Variants in PHYHIPL observed in about 807,000 individuals in gnomAD.
The protein encoded by PHYHIPL is phytanoyl-CoA hydroxylase-interacting protein-like.
PHYHIPL carries 9 observed loss-of-function variants against 33.4 expected under a neutral mutation model. The ratio of observed to expected loss-of-function variants is 0.27; its 90% CI spans 0.16 to 0.47. The LOEUF (loss-of-function observed/expected upper bound fraction) is 0.47. Ranked by LOEUF, PHYHIPL falls within the 20% of genes least tolerant of loss-of-function variation. The pLI, the probability that PHYHIPL is intolerant of heterozygous loss-of-function variation, is 0.99. For missense variants in PHYHIPL, 365 were observed against 460.7 expected, an observed-to-expected ratio of 0.79 and a Z score of 1.90; for synonymous variants, 153 against 154.1, an observed-to-expected ratio of 0.99 and a Z score of 0.05.
chr10:59,185,857 G>A (rs1303282893), intron 1 of PHYHIPL, among the ~76,000 whole-genome samples: 1 of 152,090 alleles, frequency 6.6e-6, no homozygotes, highest in Non-Finnish European at 1.5e-5. Flanking sequence ...TGTAGATTCT[G>A]GATATTAGCC....
At chr10:59,196,733 T>A (rs548806611) in intron 1 of PHYHIPL, among the ~76,000 whole-genome samples, 3 of 152,252 alleles carry the variant, frequency 2.0e-5, no homozygotes, top group South Asian at 2.1e-4. Context: ...ACTGTCAACA[T>A]TTTTTATGCA....
intron 1 of PHYHIPL, among the ~76,000 whole-genome samples, chr10:59,223,079 TTATG>T (rs1434470494): frequency 6.6e-5 from 10 of 152,336 alleles, no homozygotes; most frequent in Non-Finnish European, 1.0e-4. Flanking sequence ...CATTGTGTAC[TTATG>T]TATGTGGGAT....
At chr10:59,174,804 GCTCCCATA>G (rs1838223166), upstream of PHYHIPL, among the ~76,000 whole-genome samples, 1 of 152,118 alleles carries the variant, frequency 6.6e-6, no homozygotes, top group Non-Finnish European at 1.5e-5. Context: ...GCTTCTACAA[GCTCCCATA>G]CTTCCTCTTT....
At chr10:59,238,440 A>G in intron 3 of PHYHIPL, 148 bp from the exon 4 acceptor site, 2 of 442,536 alleles carry the variant, frequency 4.5e-6, no homozygotes. Context: ...CCACACAGAC[A>G]ATGAATATTT....
At chr10:59,240,284 T>G (rs1410294769) in intron 4 of PHYHIPL, among the ~76,000 whole-genome samples, 1 of 152,036 alleles carries the variant, frequency 6.6e-6, no homozygotes, top group Admixed American at 6.6e-5. Context: ...CCATATAGAC[T>G]TAGCAAGGAA....
At chr10:59,191,720 C>A (rs1838788660) in intron 1 of PHYHIPL, among the ~76,000 whole-genome samples, 1 of 151,914 alleles carries the variant, frequency 6.6e-6, no homozygotes, top group African/African-American at 2.4e-5. Flanking sequence ...GAAAACTCAA[C>A]AGGTACTAAT....
At chr10:59,178,747 G>T (rs1247543034) in intron 1 of PHYHIPL, among the ~76,000 whole-genome samples, 3 of 152,136 alleles carry the variant, frequency 2.0e-5, no homozygotes, top group Non-Finnish European at 4.4e-5. Context: ...ACAGAGTTAA[G>T]AGAGTGCAAA....
At position 59,227,975 on chromosome 10, in the gene PHYHIPL, G is replaced by GATATAT. The variant is rs1554799094; in HGVS notation, c.107-6322_107-6317dup. On this transcript the variant is annotated intron_variant, in intron 1 of 4. Transcript: ENST00000373880. ...TAAGATTTTAATTTTTGCCTATTGA[G>GATATAT]ATATATATATATGTTTTAAATAACA... Among the ~76,000 whole-genome samples, 381 of 145,564 alleles carry GATATAT rather than the reference G, an allele frequency of 2.6e-3. 8 individuals are homozygous for GATATAT. Among genetic ancestry groups the GATATAT allele is most frequent in the African/African-American group, 9.1e-3 (344 of 37,650 alleles).
At chr10:59,189,251 A>C (rs772085648) in intron 1 of PHYHIPL, among the ~76,000 whole-genome samples, 1 of 152,058 alleles carries the variant, frequency 6.6e-6, no homozygotes, top group Non-Finnish European at 1.5e-5. Context: ...TATTAAGAAC[A>C]TTGAAAAAGA....
intron 1 of PHYHIPL, among the ~76,000 whole-genome samples, chr10:59,181,934 C>T (rs755269218): frequency 2.0e-5 from 3 of 152,134 alleles, no homozygotes; most frequent in Admixed American, 6.5e-5. Context: ...TAGGTAGGCC[C>T]GGTCAGAAAT....
chr10:59,224,500 A>AAAACAAAAC lies in PHYHIPL; in HGVS notation c.107-9803_107-9802insAACAAAACA, dbSNP rs879272977. Among the ~76,000 whole-genome samples the AAAACAAAAC allele has an allele frequency of 2.7e-3, 327 of 120,836 alleles. 1 individual carries two copies. The highest frequency in any genetic ancestry group is 4.3e-3 in the South Asian group (15 of 3,460). The allele number at this position is 120,836 out of a possible 152,430, so 79.3% of individuals were successfully genotyped here. A position where few individuals can be genotyped will look rare whatever the true frequency, so the allele number is the denominator to read the frequency against. On this transcript the variant is annotated intron_variant, in intron 1 of 4. Coordinates refer to ENST00000373880, the MANE Select transcript of PHYHIPL (RefSeq NM_032439.4). ...CAAAACAAAACAAAACAAAACAAAA[A>AAAACAAAAC]ACAAAACAAAAAACAAAACAAAACA... is the stretch of plus-strand genomic sequence containing the variant.
At chr10:59,183,030 T>C (rs1483000924) in intron 1 of PHYHIPL, among the ~76,000 whole-genome samples, 1 of 152,228 alleles carries the variant, frequency 6.6e-6, no homozygotes, top group Non-Finnish European at 1.5e-5. Context: ...TCTAGAGGCA[T>C]ATCTCTCTCA....
chr10:59,240,645 T>C (rs1336433420), intron 4 of PHYHIPL, among the ~76,000 whole-genome samples: 1 of 152,024 alleles, frequency 6.6e-6, no homozygotes, highest in African/African-American at 2.4e-5. Flanking sequence ...CGCATAAAAT[T>C]TGAAAACAAA....
chr10:59,217,865 G>GA (rs1379919631), intron 1 of PHYHIPL, among the ~76,000 whole-genome samples: 1 of 151,862 alleles, frequency 6.6e-6, no homozygotes, highest in East Asian at 1.9e-4. Context: ...ATGCTTACCA[G>GA]AAAAAAACAC....
intron 1 of PHYHIPL, among the ~76,000 whole-genome samples, chr10:59,215,670 A>G (rs1244560000): frequency 6.6e-6 from 1 of 152,020 alleles, no homozygotes; most frequent in East Asian, 1.9e-4. Context: ...TAAATAAGGA[A>G]TTTATGGAGA....
In PHYHIPL at chr10:59,234,362, C is replaced by T; in HGVS notation, c.165C>T (p.Asn55=). ...TGGAAGAACTTCCTGTACCACATAACATCAAAATAAGCAATATAACGTGTG... is the reference window on the plus strand; with the variant it reads ...TGGAAGAACTTCCTGTACCACATAATATCAAAATAAGCAATATAACGTGTG... ...AEMEELPVPH[N]IKISNITCDS... Residue 55 remains asparagine (N), a synonymous_variant, in exon 2 of 5, where the codon AAC becomes AAT. Transcript: ENST00000373880. 1 of 1,598,794 alleles carries T rather than the reference C, an allele frequency of 6.3e-7. No homozygotes were observed. Among genetic ancestry groups the T allele is most frequent in the Non-Finnish European group, 8.5e-7 (1 of 1,175,000 alleles).
intron 1 of PHYHIPL, among the ~76,000 whole-genome samples, chr10:59,205,317 G>A (rs1424315488): frequency 1.3e-5 from 2 of 152,080 alleles, no homozygotes; most frequent in Non-Finnish European, 2.9e-5. Flanking sequence ...TTGATTATGT[G>A]TGGGTTGGCC....
At chr10:59,185,808 G>A (rs1838579821) in intron 1 of PHYHIPL, among the ~76,000 whole-genome samples, 3 of 152,122 alleles carry the variant, frequency 2.0e-5, no homozygotes, top group South Asian at 4.2e-4. Flanking sequence ...TTTTTGATGG[G>A]GTTGTTTGTT....
intron 1 of PHYHIPL, among the ~76,000 whole-genome samples, chr10:59,213,460 A>G (rs1363831697): frequency 6.6e-6 from 1 of 152,184 alleles, no homozygotes; most frequent in Admixed American, 6.6e-5. Context: ...TATTTAAAAG[A>G]TAGCTTTATA....
Sources: allele counts gnomAD v4.1 joint callset (sites outside exome capture counted in the v4.1 genomes callset), GRCh38; gene constraint gnomAD v4.1.1; transcripts MANE v1.5; gene names NCBI Gene and HGNC (gene_info 2026-07-23, HGNC 2026-07-21).